TNFSF8: variants seen among roughly 807,000 people sequenced by gnomAD.
TNFSF8 encodes the protein TNF superfamily member 8.
Under a neutral mutation model 22.0 loss-of-function variants are expected in TNFSF8, and 4 were observed. That is an observed-to-expected ratio of 0.18 (90% CI 0.09 to 0.42). TNFSF8 has a LOEUF of 0.42. TNFSF8 is among the 10% of genes least tolerant of loss of function. The pLI is 1.00. For synonymous variants in TNFSF8, 106 were observed against 112.5 expected (o/e 0.94, Z 0.37); for missense variants, 233 against 281.8 (o/e 0.83, Z 1.24).
chr9:114,922,241 G>C (rs1373622635), intron 1 of TNFSF8, among the ~76,000 whole-genome samples: 1 of 152,202 alleles, frequency 6.6e-6, no homozygotes, highest in Admixed American at 6.5e-5. Context: ...ATGAGCTCCT[G>C]AATTTGCTTT....
chr9:114,902,001 T>A lies in TNFSF8; in HGVS notation c.*1930A>T, dbSNP rs1053896407. On this transcript the variant is annotated 3_prime_UTR_variant, in exon 4 of 4. Transcript: ENST00000223795. ...AGTCCTACTCCTTTTCTCTCCTTCT[T>A]GAGAAAAATGCAAATTTTGCTCCAT... 3.0e-6 allele frequency: 3 copies of A among 985,330 alleles called. No individual in the cohort carries two copies. The African/African-American group carries it at 5.2e-5, about 17-fold the overall frequency. The allele number at this position is 985,330 out of a possible 1,614,324, so 61.0% of individuals were successfully genotyped here.
rs368031643 is a variant in TNFSF8 at position 114,918,112 on chromosome 9, G to A, written c.222C>T (p.Asn74=). 5.2e-5 allele frequency: 83 copies of A among 1,607,264 alleles called. No homozygotes were observed. The highest frequency in any genetic ancestry group is 6.3e-5 in the Non-Finnish European group (74 of 1,176,700). The change falls in exon 2 of 4, where the codon AAC becomes AAT. Residue 74 remains asparagine (N), a synonymous_variant. Transcript: ENST00000223795. The part of the protein sequence containing the change: ...RTDSIPNSPD[N]VPLKGGNCSE... ...AGATCTTACCTCCTTTGAGGGGGAC[G>A]TTGTCAGGTGAGTTGGGAATGGAGT...
intron 2 of TNFSF8, among the ~76,000 whole-genome samples, chr9:114,913,369 C>A (rs1827875670): frequency 6.6e-6 from 1 of 152,208 alleles, no homozygotes; most frequent in Admixed American, 6.5e-5. Flanking sequence ...AGCTGCAAAG[C>A]CAGAGCTGAA....
chr9:114,915,591 T>C (rs1459017693), intron 2 of TNFSF8, among the ~76,000 whole-genome samples: 1 of 152,198 alleles, frequency 6.6e-6, no homozygotes, highest in Non-Finnish European at 1.5e-5. Context: ...CCCCGGATTC[T>C]CACTTGGCCA....
chr9:114,903,179 C>T lies in TNFSF8; in HGVS notation c.*752G>A, dbSNP rs2079922269. 1 of 152,286 alleles carries T rather than the reference C, an allele frequency of 6.6e-6. No homozygotes were observed. Among genetic ancestry groups the T allele is most frequent in the South Asian group, 2.1e-4 (1 of 4,832 alleles). 9.4% of individuals were successfully genotyped at this position (152,286 alleles called of 1,614,324 possible). The stretch of plus-strand genomic sequence containing the variant: ...TAGAGAAGGAGGACTGCCCTTCAGA[C>T]TCATTATGCCCTTTCTGTCCAGGAT... On this transcript the variant is annotated 3_prime_UTR_variant, in exon 4 of 4. Transcript: ENST00000223795.
intron 2 of TNFSF8, among the ~76,000 whole-genome samples, chr9:114,915,575 G>C (rs137982624): frequency 6.6e-6 from 1 of 152,314 alleles, no homozygotes; most frequent in Non-Finnish European, 1.5e-5. Context: ...GGAGAAGAGG[G>C]AGGAGCCCCG....
At chr9:114,898,808 G>A (rs75749014), downstream of TNFSF8, among the ~76,000 whole-genome samples, 130 of 152,256 alleles carry the variant, frequency 8.5e-4, no homozygotes, top group African/African-American at 2.7e-3. Flanking sequence ...AAACAGAATC[G>A]AGATTGAGCT....
chr9:114,914,917 A>G (rs995542612), intron 2 of TNFSF8, among the ~76,000 whole-genome samples: 1 of 152,130 alleles, frequency 6.6e-6, no homozygotes, highest in Non-Finnish European at 1.5e-5. Context: ...CTCTGTAGCG[A>G]AGTGTATCCT....
At chr9:114,909,773 A>G (rs1827830421) in intron 2 of TNFSF8, among the ~76,000 whole-genome samples, 1 of 152,218 alleles carries the variant, frequency 6.6e-6, no homozygotes, top group African/African-American at 2.4e-5. Flanking sequence ...TCACACATTC[A>G]GGTTTTCAGA....
intron 1 of TNFSF8, among the ~76,000 whole-genome samples, chr9:114,924,250 G>C (rs1167140042): frequency 1.8e-4 from 28 of 152,116 alleles, no homozygotes. Context: ...TTCTAACAAG[G>C]CCCAGGACCA....
At chr9:114,911,082 CTCTTT>C (rs1827847106) in intron 2 of TNFSF8, among the ~76,000 whole-genome samples, 3 of 152,192 alleles carry the variant, frequency 2.0e-5, no homozygotes, top group Admixed American at 1.3e-4. Flanking sequence ...TGCCTTACTC[CTCTTT>C]TCTTTGTTGT....
At chr9:114,918,318 G>C (rs768506682) in intron 1 of TNFSF8, among the ~76,000 whole-genome samples, 180 bp from the exon 2 acceptor site, 4 of 151,912 alleles carry the variant, frequency 2.6e-5, no homozygotes, top group Non-Finnish European at 5.9e-5. Context: ...CCATTTGTTT[G>C]ACAATCTATT....
chr9:114,929,903 GTATAA>G (rs958430588), intron 1 of TNFSF8, among the ~76,000 whole-genome samples: 52 of 146,176 alleles, frequency 3.6e-4, no homozygotes, highest in Admixed American at 1.1e-3. Context: ...AATATATACT[GTATAA>G]TATAATATAT....
At chr9:114,904,442 A>G in intron 3 of TNFSF8, 117 bp from the exon 4 acceptor site, 1 of 1,380,626 alleles carries the variant, frequency 7.2e-7, no homozygotes, top group Non-Finnish European at 9.7e-7. Flanking sequence ...GTAATGTTCC[A>G]ATCATCTGAA....
At chr9:114,897,418 G>C (rs1827668297), downstream of TNFSF8, among the ~76,000 whole-genome samples, 1 of 152,138 alleles carries the variant, frequency 6.6e-6, no homozygotes, top group Non-Finnish European at 1.5e-5. Flanking sequence ...TGATTACCCA[G>C]TGCTAAATAA....
chr9:114,908,477 C>G (rs188289645), intron 2 of TNFSF8, among the ~76,000 whole-genome samples: 10 of 152,112 alleles, frequency 6.6e-5, no homozygotes, highest in Non-Finnish European at 1.3e-4. Flanking sequence ...GCTCATTGGC[C>G]GAAAGCCCTC....
intron 1 of TNFSF8, among the ~76,000 whole-genome samples, chr9:114,923,520 TTC>T (rs374487311): frequency 0.097 from 6,640 of 68,174 alleles, 210 homozygotes; most frequent in Non-Finnish European, 0.11. Context: ...CTTTCTTTCT[TTC>T]TTTTTTTTTT....
chr9:114,910,980 A>G (rs1353269440), intron 2 of TNFSF8, among the ~76,000 whole-genome samples: 1 of 152,186 alleles, frequency 6.6e-6, no homozygotes, highest in Non-Finnish European at 1.5e-5. Context: ...ACCTAAATGT[A>G]TGGATGTCAT....
intron 2 of TNFSF8, among the ~76,000 whole-genome samples, chr9:114,906,533 C>A (rs973371775): frequency 1.3e-5 from 2 of 152,102 alleles, no homozygotes; most frequent in African/African-American, 2.4e-5. Flanking sequence ...GCTGGAATTG[C>A]CCATGGCTAA....
Sources: allele counts gnomAD v4.1 joint callset (sites outside exome capture counted in the v4.1 genomes callset), GRCh38; gene constraint gnomAD v4.1.1; transcripts MANE v1.5; gene names NCBI Gene and HGNC (gene_info 2026-07-23, HGNC 2026-07-21).